The following NRXN3 variants were observed in gnomAD, a reference collection of about 807,000 sequenced individuals.
NRXN3 encodes the protein neurexin 3.
In NRXN3, 32 loss-of-function variants were observed where a neutral mutation model predicts 137.6. The ratio of observed to expected loss-of-function variants is 0.23; its 90% CI spans 0.18 to 0.31. The LOEUF (loss-of-function observed/expected upper bound fraction) is 0.31, where lower values mean the gene tolerates loss of function less well. NRXN3 is among the 10% of genes least tolerant of loss of function. The pLI is 1.00. For synonymous variants in NRXN3, 798 were observed against 784.5 expected (o/e 1.02, Z -0.29); for missense variants, 1,574 against 2,062.5 (o/e 0.76, Z 4.59).
At chr14:78,205,090 C>T (rs191470835) in intron 1 of NRXN3, among the ~76,000 whole-genome samples, 94 of 152,310 alleles carry the variant, frequency 6.2e-4, no homozygotes, top group Middle Eastern at 3.4e-3. Context: ...CCACAGGGCA[C>T]GCTGAACATG....
intron 16 of NRXN3, among the ~76,000 whole-genome samples, chr14:79,523,166 GA>G (rs1212874662): frequency 1.3e-5 from 2 of 152,132 alleles, no homozygotes; most frequent in African/African-American, 2.4e-5. Context: ...GAAATTAAGA[GA>G]TTTTTTTTTC....
At chr14:78,695,219 G>A (rs990158727) in intron 6 of NRXN3, 10 of 151,860 alleles carry the variant, frequency 6.6e-5, no homozygotes, top group African/African-American at 2.2e-4. Flanking sequence ...CTTGCATTTA[G>A]GGTCCACCTG....
At chr14:78,641,673 CTCTG>C (rs1233329188) in intron 4 of NRXN3, among the ~76,000 whole-genome samples, 1 of 152,158 alleles carries the variant, frequency 6.6e-6, no homozygotes, top group Non-Finnish European at 1.5e-5. Context: ...TGGTAGCCTC[CTCTG>C]ACTCAGGGAA....
chr14:79,076,520 C>A (rs73322879), intron 15 of NRXN3, among the ~76,000 whole-genome samples: 1 of 152,144 alleles, frequency 6.6e-6, no homozygotes, highest in Non-Finnish European at 1.5e-5. Flanking sequence ...GATAATACTT[C>A]ATTGGCACAA....
intron 12 of NRXN3, among the ~76,000 whole-genome samples, chr14:78,966,998 A>G (rs1159204993): frequency 6.6e-6 from 1 of 152,170 alleles, no homozygotes; most frequent in African/African-American, 2.4e-5. Flanking sequence ...AGTGTTAATG[A>G]AGTGGACTCG....
intron 2 of NRXN3, among the ~76,000 whole-genome samples, chr14:78,267,442 A>G (rs1324156652): frequency 2.0e-5 from 3 of 152,184 alleles, no homozygotes; most frequent in East Asian, 3.8e-4. Flanking sequence ...CTGTAATGCC[A>G]GCACTTTGGG....
intron 8 of NRXN3, among the ~76,000 whole-genome samples, chr14:78,725,455 A>G (rs756717237): frequency 6.6e-6 from 1 of 152,262 alleles, no homozygotes; most frequent in Non-Finnish European, 1.5e-5. Flanking sequence ...GTTGCTCAGC[A>G]GGATCTCATC....
chr14:79,836,849 A>C (rs1333762103), intron 20 of NRXN3, among the ~76,000 whole-genome samples: 1 of 152,084 alleles, frequency 6.6e-6, no homozygotes. Context: ...CTGTGTTGTC[A>C]TTTTTTTGTC....
chr14:78,294,141 A>G (rs7161343), intron 3 of NRXN3, among the ~76,000 whole-genome samples: 31,215 of 152,226 alleles, frequency 0.21, 3,385 homozygotes, highest in Middle Eastern at 0.3. Flanking sequence ...CCATTCACTC[A>G]TTCAATCATC....
chr14:78,449,364 C>T (rs1302184745), intron 4 of NRXN3, among the ~76,000 whole-genome samples: 1 of 152,166 alleles, frequency 6.6e-6, no homozygotes, highest in African/African-American at 2.4e-5. Flanking sequence ...AGTCACAAGC[C>T]ACCAGGCCTA....
chr14:78,840,422 A>G (rs977397570), intron 10 of NRXN3, among the ~76,000 whole-genome samples: 1 of 152,220 alleles, frequency 6.6e-6, no homozygotes, highest in Non-Finnish European at 1.5e-5. Context: ...AAGCATTTAT[A>G]TTACTTAGAA....
At chr14:78,178,492 G>A (rs1196074186) in intron 1 of NRXN3, among the ~76,000 whole-genome samples, 1 of 152,150 alleles carries the variant, frequency 6.6e-6, no homozygotes, top group Non-Finnish European at 1.5e-5. Context: ...GGGAGTTGAG[G>A]TGATTTGGGG....
At chr14:79,735,257 A>G (rs933042021) in intron 19 of NRXN3, among the ~76,000 whole-genome samples, 1 of 152,230 alleles carries the variant, frequency 6.6e-6, no homozygotes, top group Non-Finnish European at 1.5e-5. Context: ...AGCTTTGTAC[A>G]CCAATCAGGG....
At chr14:79,051,566 A>G (rs28673990) in intron 15 of NRXN3, among the ~76,000 whole-genome samples, 6,809 of 152,222 alleles carry the variant, frequency 0.045, 549 homozygotes, top group African/African-American at 0.16. Flanking sequence ...ATTTCCTTGG[A>G]GAAACATTTA....
Position 78,399,204 on chromosome 14 carries a change from T to G in NRXN3, c.757+101344T>G, listed in dbSNP as rs577606202. ...CAAGGTCCTGAATTAGTATACATTC[T>G]CCTATCATTTCTTATGGTTGTTTTA... On this transcript the variant is annotated intron_variant, in intron 4 of 20. Coordinates refer to ENST00000335750, the MANE Select transcript of NRXN3 (RefSeq NM_001330195.2). Among the ~76,000 whole-genome samples, 3 of 152,318 alleles carry G rather than the reference T, an allele frequency of 2.0e-5. No homozygotes were observed. In the East Asian group the frequency reaches 5.8e-4, roughly 29 times the overall value.
At chr14:78,317,592 A>G (rs187502645) in intron 4 of NRXN3, among the ~76,000 whole-genome samples, 3 of 152,308 alleles carry the variant, frequency 2.0e-5, no homozygotes, top group Admixed American at 2.0e-4. Flanking sequence ...CTAGTGCCAA[A>G]GAGGTTGAGG....
At chr14:79,771,541 T>C (rs2099078553) in intron 19 of NRXN3, among the ~76,000 whole-genome samples, 1 of 150,742 alleles carries the variant, frequency 6.6e-6, no homozygotes, top group Non-Finnish European at 1.5e-5. Context: ...ATTATCTCAA[T>C]AGATGCAGAA....
At chr14:79,675,347 T>G (rs911028002) in intron 17 of NRXN3, among the ~76,000 whole-genome samples, 1 of 152,254 alleles carries the variant, frequency 6.6e-6, no homozygotes, top group African/African-American at 2.4e-5. Flanking sequence ...TCCAGTCTGC[T>G]GTTATAATGC....
Position 79,646,830 on chromosome 14 carries a change from G to A in NRXN3, c.3445-16948G>A, listed in dbSNP as rs1030857744. 2.2e-5 allele frequency among the ~76,000 whole-genome samples: 3 copies of A among 136,124 alleles called. 1 individual carries two copies. The highest frequency in any genetic ancestry group is 7.8e-3 in the Middle Eastern group (2 of 258). 89.3% of individuals were successfully genotyped at this position (136,124 alleles called of 152,430 possible). ...TAACTTCTCTCTATTCCCTTATTTA[G>A]TTGGTGGGATTGGATGAAGGATCTT... On this transcript the variant is annotated intron_variant, in intron 16 of 20. Transcript: ENST00000335750.
Sources: gnomAD v4.1 joint callset for allele counts (sites outside exome capture counted in the v4.1 genomes callset) on GRCh38, gnomAD v4.1.1 for gene constraint, MANE v1.5 for transcripts, NCBI Gene and HGNC (gene_info 2026-07-23, HGNC 2026-07-21) for gene names.